Variants in ANO4 observed in about 807,000 individuals in gnomAD.
The protein encoded by ANO4 is anoctamin-4.
ANO4 carries 69 observed loss-of-function variants against 141.9 expected under a neutral mutation model. The ratio of observed to expected loss-of-function variants is 0.49; its 90% confidence interval spans 0.40 to 0.59. ANO4 has a LOEUF of 0.59. ANO4 is among the 20% of genes least tolerant of loss of function. The probability of loss-of-function intolerance (pLI) is 0.00; values close to 1 mark genes in which losing one functional copy is unlikely to be tolerated. For synonymous variants in ANO4, 350 were observed against 394.3 expected (o/e 0.89, Z 1.33); for missense variants, 894 against 1,162.2 (o/e 0.77, Z 3.36).
intron 3 of ANO4, among the ~76,000 whole-genome samples, chr12:100,781,340 G>A (rs185596148): frequency 6.6e-6 from 1 of 152,156 alleles, no homozygotes; most frequent in Admixed American, 6.5e-5. Flanking sequence ...CCACAGAGCT[G>A]TTTTGCTGGT....
At chr12:100,885,235 G>C (rs1828891) in intron 1 of ANO4, among the ~76,000 whole-genome samples, 1 of 151,974 alleles carries the variant, frequency 6.6e-6, no homozygotes, top group Non-Finnish European at 1.5e-5. Context: ...ATATTCACAG[G>C]TTCCAGAGAT....
intron 1 of ANO4, among the ~76,000 whole-genome samples, chr12:100,877,690 A>G (rs1033867406): frequency 6.6e-6 from 1 of 150,610 alleles, no homozygotes; most frequent in Non-Finnish European, 1.5e-5. Flanking sequence ...TTTGCTGTCA[A>G]CATCGTCGAG....
intron 7 of ANO4, among the ~76,000 whole-genome samples, chr12:100,978,073 A>G (rs1337384179): frequency 6.6e-6 from 1 of 152,266 alleles, no homozygotes; most frequent in Admixed American, 6.5e-5. Flanking sequence ...CTGCTTTTCC[A>G]TTAGAATCCT....
At chr12:101,061,624 A>G (rs570074228) in intron 14 of ANO4, among the ~76,000 whole-genome samples, 4 of 151,606 alleles carry the variant, frequency 2.6e-5, no homozygotes, top group African/African-American at 4.8e-5. Context: ...ACTTTATTTC[A>G]TTAAGTTGAT....
intron 1 of ANO4, among the ~76,000 whole-genome samples, chr12:100,846,532 C>T (rs938146036): frequency 6.6e-6 from 1 of 152,096 alleles, no homozygotes; most frequent in African/African-American, 2.4e-5. Context: ...TCCTGAATTT[C>T]AGTATCTGTT....
chr12:100,812,530 T>C (rs1346789168), intron 1 of ANO4, among the ~76,000 whole-genome samples: 2 of 146,836 alleles, frequency 1.4e-5, no homozygotes, highest in South Asian at 2.1e-4. Context: ...TAATATGAAG[T>C]AAAAGTAGGT....
chr12:101,040,377 T>C (rs919528239), intron 11 of ANO4, among the ~76,000 whole-genome samples: 2 of 152,156 alleles, frequency 1.3e-5, no homozygotes, highest in Non-Finnish European at 1.5e-5. Context: ...CCCATGTGAG[T>C]CTTATTGACA....
At chr12:100,812,949 G>A (rs1053020719) in intron 1 of ANO4, among the ~76,000 whole-genome samples, 3 of 152,208 alleles carry the variant, frequency 2.0e-5, no homozygotes, top group African/African-American at 7.2e-5. Context: ...TGAAAAGTGG[G>A]TGGACTACTT....
intron 3 of ANO4, among the ~76,000 whole-genome samples, chr12:100,741,207 A>G (rs1357453697): frequency 6.6e-6 from 1 of 152,200 alleles, no homozygotes; most frequent in Non-Finnish European, 1.5e-5. Flanking sequence ...CTTAGAGGTA[A>G]TGGTTTAGTC....
At position 101,049,987 on chromosome 12, in the gene ANO4, T is replaced by C. The variant is rs374456800; in HGVS notation, c.1312+1586T>C. ...AGAAAATGTAAAGGGAAATAGGGAG[T>C]TAGCAGCAGGAATGGACACTGAAAA... On this transcript the variant is annotated intron_variant, in intron 14 of 27. Transcript: ENST00000392977. Among the ~76,000 whole-genome samples, 175 of 151,862 alleles carry C rather than the reference T, an allele frequency of 1.2e-3. 1 individual carries two copies. The highest frequency in any genetic ancestry group is 4.0e-3 in the African/African-American group (167 of 41,406).
chr12:101,036,343 T>G (rs1460805316), intron 9 of ANO4, among the ~76,000 whole-genome samples: 1 of 152,208 alleles, frequency 6.6e-6, no homozygotes, highest in East Asian at 1.9e-4. Flanking sequence ...ATCCTACTTT[T>G]GGGTACATAT....
intron 1 of ANO4, among the ~76,000 whole-genome samples, chr12:100,883,031 C>T (rs1168366376): frequency 1.3e-5 from 2 of 152,132 alleles, no homozygotes; most frequent in African/African-American, 4.8e-5. Context: ...TGTTGATTCC[C>T]TATTGTGCTC....
chr12:100,798,533 C>G (rs2034482326), intron 1 of ANO4, among the ~76,000 whole-genome samples: 1 of 152,164 alleles, frequency 6.6e-6, no homozygotes, highest in Non-Finnish European at 1.5e-5. Flanking sequence ...ATCTGTGCCT[C>G]CCTACTAAAT....
At chr12:101,113,166 C>A (rs7955664) in intron 24 of ANO4, among the ~76,000 whole-genome samples, 8,003 of 152,218 alleles carry the variant, frequency 0.053, 673 homozygotes, top group African/African-American at 0.18. Flanking sequence ...GGAGCCTCGA[C>A]TCACTCTCCA....
Position 100,901,823 on chromosome 12 carries a change from C to A in ANO4, c.38C>A (p.Thr13Asn). 1.2e-6 allele frequency: 2 copies of A among 1,609,760 alleles called. No homozygotes were observed. Among genetic ancestry groups the A allele is most frequent in the Non-Finnish European group, 1.7e-6 (2 of 1,178,246 alleles). The change falls in exon 2 of 28, where the codon ACC (threonine) becomes AAC (asparagine). Residue 13 changes from threonine (T) to asparagine (N), a missense_variant. Around this residue, in one of 2 missense-constraint regions of ANO4, gnomAD observed 257 missense variants for 253.0 expected, o/e 1.02. Transcript: ENST00000392977. ...TCTTCTGGAATCACTAATGGAAAAA[C>A]CAAAGTCTTCCACCCAGGTGATGCA... Reference protein sequence around the residue: ...ASSSGITNGKTKVFHPEGGVD... With the variant: ...ASSSGITNGKNKVFHPEGGVD...
At chr12:101,008,862 A>G (rs1025641492) in intron 8 of ANO4, among the ~76,000 whole-genome samples, 6 of 152,138 alleles carry the variant, frequency 3.9e-5, no homozygotes, top group Non-Finnish European at 7.4e-5. Context: ...CGCTCCTGTT[A>G]TAAATTATCA....
chr12:101,022,304 A>T (rs965292002), intron 9 of ANO4, among the ~76,000 whole-genome samples: 5 of 152,164 alleles, frequency 3.3e-5, no homozygotes, highest in African/African-American at 1.2e-4. Flanking sequence ...GTCCTCTGTG[A>T]CCATTCCAGC....
At chr12:101,014,113 C>T (rs751336300) in intron 8 of ANO4, among the ~76,000 whole-genome samples, 34 of 152,116 alleles carry the variant, frequency 2.2e-4, no homozygotes, top group Admixed American at 1.2e-3. Flanking sequence ...AAATATACAA[C>T]GCCCATGCCC....
chr12:101,011,507 G>A (rs574766891), intron 8 of ANO4, among the ~76,000 whole-genome samples: 1 of 152,090 alleles, frequency 6.6e-6, no homozygotes, highest in East Asian at 1.9e-4. Context: ...AAAACCCTTG[G>A]CTACAACTCC....
Sources: allele counts gnomAD v4.1 joint callset (sites outside exome capture counted in the v4.1 genomes callset), GRCh38; gene constraint gnomAD v4.1.1; regional missense constraint gnomAD v4.1.1; transcripts MANE v1.5; gene names NCBI Gene and HGNC (gene_info 2026-07-23, HGNC 2026-07-21).